The following KLHL21 variants were observed in gnomAD, a reference collection of about 807,000 sequenced individuals.
KLHL21 encodes the protein kelch like family member 21.
Under a neutral mutation model 44.1 loss-of-function variants are expected in KLHL21, and 42 were observed. That is an observed-to-expected ratio of 0.95 (90% CI 0.74 to 1.23). KLHL21 has a LOEUF of 1.23. Among genes scored for constraint, KLHL21 ranks in the 50% most tolerant of loss-of-function variants. The pLI, the probability that KLHL21 is intolerant of heterozygous loss-of-function variation, is 0.00. For missense variants in KLHL21, 918 were observed against 889.1 expected (o/e 1.03, Z -0.41); for synonymous variants, 524 against 411.6 (o/e 1.27, Z -3.31).
chr1:6,602,675 G>A lies in KLHL21; in HGVS notation c.143C>T (p.Pro48Leu), dbSNP rs780395015. The A allele has an allele frequency of 4.6e-6, 7 of 1,511,830 alleles. No homozygotes were observed. Among genetic ancestry groups the A allele is most frequent in the Non-Finnish European group, 6.2e-6 (7 of 1,137,784 alleles). The allele number at this position is 1,511,830 out of a possible 1,614,324, so 93.7% of individuals were successfully genotyped here. A position where few individuals can be genotyped will look rare whatever the true frequency, so the allele number is the denominator to read the frequency against. The change falls in exon 1 of 4, where the codon CCG becomes CTG. Residue 48 changes from proline (P) to leucine (L), a missense_variant. By Grantham distance (98) the Pro-to-Leu change is moderately conservative. Coordinates refer to ENST00000377658, the MANE Select transcript of KLHL21 (RefSeq NM_014851.4). ...GGCGGCCAGCACCGCACGGTGCGCC[G>A]GGAAGTCGCGCCCGCCCGCCGCCTC... ...TLEAAGGRDF[P>L]AHRAVLAAAS...
At position 6,602,749 on chromosome 1, in the gene KLHL21, G is replaced by A. The variant is rs1248441657; in HGVS notation, c.69C>T (p.Arg23=). The A allele has an allele frequency of 4.0e-6, 6 of 1,510,240 alleles. No individual in the cohort carries two copies. Among genetic ancestry groups the A allele is most frequent in the South Asian group, 2.5e-5 (2 of 81,606 alleles). 93.6% of individuals were successfully genotyped at this position (1,510,240 alleles called of 1,614,324 possible). A position where few individuals can be genotyped will look rare whatever the true frequency, so the allele number is the denominator to read the frequency against. Residue 23 remains arginine, a synonymous_variant, in exon 1 of 4, where the codon CGC becomes CGT. Transcript: ENST00000377658. ...GCTCGGCGCGCAGCTGGCTCAGGCC[G>A]CGCAGCAGGCTCAGGGCGTGCGCGG... ...SDPAHALSLL[R]GLSQLRAERK... is the part of the protein sequence containing the mutation.
In KLHL21 at chr1:6,590,837, G is replaced by A. The variant is rs976515570; in HGVS notation, c.*2528C>T. 5.0e-6 allele frequency: 2 copies of A among 398,070 alleles called. No homozygotes were observed. The highest frequency in any genetic ancestry group is 6.2e-4 in the Middle Eastern group (1 of 1,608). 24.7% of individuals were successfully genotyped at this position (398,070 alleles called of 1,614,324 possible). ...CAAAAATAAATATGTCAACCTGCCCGACCCTCTGGGGTGAACTGGATGTGG... is the reference window on the plus strand; with the variant it reads ...CAAAAATAAATATGTCAACCTGCCCAACCCTCTGGGGTGAACTGGATGTGG... On this transcript the variant is annotated 3_prime_UTR_variant, in exon 4 of 4. Coordinates refer to ENST00000377658, the MANE Select transcript of KLHL21 (RefSeq NM_014851.4).
intron 2 of KLHL21, 35 bp downstream of exon 2, chr1:6,599,012 C>T (rs1247293787): frequency 6.5e-7 from 1 of 1,535,898 alleles, no homozygotes; most frequent in Admixed American, 2.0e-5. Context: ...TAAGAGACAC[C>T]AAACACACAG....
intron 2 of KLHL21, among the ~76,000 whole-genome samples, chr1:6,596,347 C>T (rs1424788826): frequency 1.3e-5 from 2 of 152,226 alleles, no homozygotes; most frequent in Non-Finnish European, 2.9e-5. Flanking sequence ...AGGAGAATCT[C>T]TTGAACCCGG....
At chr1:6,599,845 T>C (rs1640989742) in intron 1 of KLHL21, 2 of 189,038 alleles carry the variant, frequency 1.1e-5, no homozygotes, top group Non-Finnish European at 1.1e-5. Flanking sequence ...CACTAACTCC[T>C]AGGCTTCCTG....
Position 6,602,052 on chromosome 1 carries a change from C to A in KLHL21, c.766G>T (p.Glu256Ter), listed in dbSNP as rs1485447550. ...RCPPCLRLLR[E>*]ARDFQAARYD... ...CGCGCCGCCTGGAAGTCGCGCGCCTCGCGCAGCAGGCGCAGGCAGGGTGGG... is the reference window on the plus strand; with the variant it reads ...CGCGCCGCCTGGAAGTCGCGCGCCTAGCGCAGCAGGCGCAGGCAGGGTGGG... Residue 256 changes from glutamate (E) to a stop codon, truncating the protein, a stop_gained, in exon 1 of 4, where the codon GAG becomes TAG. Transcript: ENST00000377658. LOFTEE classifies it high-confidence loss of function. 3 of 1,522,106 alleles carry A rather than the reference C, an allele frequency of 2.0e-6. No homozygotes were observed. The highest frequency in any genetic ancestry group is 1.4e-5 in the African/African-American group (1 of 70,674). 94.3% of individuals were successfully genotyped at this position (1,522,106 alleles called of 1,614,324 possible).
At position 6,593,732 on chromosome 1, in the gene KLHL21, G is replaced by A; in HGVS notation, c.1501-74C>T. ...CAGGGCCCCACCTGGGGAACCACTG[G>A]AGACAAGGCATGCCCTGTCAGTACC... On this transcript the variant is annotated intron_variant, in intron 3 of 3. Coordinates refer to ENST00000377658, the MANE Select transcript of KLHL21 (RefSeq NM_014851.4). 4 of 1,483,430 alleles carry A rather than the reference G, an allele frequency of 2.7e-6. No individual in the cohort carries two copies. The South Asian group carries it at 5.5e-5, about 20-fold the overall frequency. The allele number at this position is 1,483,430 out of a possible 1,614,324, so 91.9% of individuals were successfully genotyped here.
chr1:6,596,009 T>C (rs1640923061), intron 2 of KLHL21, among the ~76,000 whole-genome samples: 1 of 152,224 alleles, frequency 6.6e-6, no homozygotes, highest in Admixed American at 6.5e-5. Flanking sequence ...TTCACTACTA[T>C]GTTGAAGTAC....
intron 3 of KLHL21, chr1:6,593,944 CAG>C: frequency 1.6e-6 from 2 of 1,220,284 alleles, no homozygotes; most frequent in East Asian, 6.8e-5. Flanking sequence ...CGTTCTCTCT[CAG>C]AATCTCTGCA....
intron 1 of KLHL21, among the ~76,000 whole-genome samples, chr1:6,600,621 A>G (rs1364106854): frequency 6.6e-6 from 1 of 152,218 alleles, no homozygotes; most frequent in Admixed American, 6.5e-5. Context: ...AGGCAGCTGA[A>G]AGGAATGAAC....
Position 6,593,606 on chromosome 1 carries a change from C to A in KLHL21, c.1553G>T (p.Gly518Val). Residue 518 changes from glycine to valine, a missense_variant, in exon 4 of 4, where the codon GGG becomes GTG. Transcript: ENST00000377658. ...GAGTTCAAATGTATTGTCGTATCCC[C>A]CAGAGACGTACAGCTTCCCCCCAAG... Reference protein sequence around the residue: ...AVLGGKLYVSGGYDNTFELSD... With the variant: ...AVLGGKLYVSVGYDNTFELSD... The A allele has an allele frequency of 6.2e-7, 1 of 1,608,506 alleles. No homozygotes were observed. The highest frequency in any genetic ancestry group is 8.5e-7 in the Non-Finnish European group (1 of 1,175,852).
intron 1 of KLHL21, among the ~76,000 whole-genome samples, chr1:6,601,566 G>A (rs952040179): frequency 2.2e-4 from 33 of 152,334 alleles, no homozygotes; most frequent in African/African-American, 6.7e-4. Flanking sequence ...TGGCAGCCCC[G>A]GCCGCACGGG....
intron 2 of KLHL21, among the ~76,000 whole-genome samples, 188 bp downstream of exon 2, chr1:6,598,859 G>C (rs1049309004): frequency 2.6e-5 from 4 of 152,214 alleles, no homozygotes; most frequent in African/African-American, 9.7e-5. Flanking sequence ...CTCCAGCCTG[G>C]GCGACAGAGC....
rs1640874884 is a variant in KLHL21 at position 6,593,106 on chromosome 1, T to G, written c.*259A>C. 6.3e-6 allele frequency: 3 copies of G among 479,156 alleles called. No individual in the cohort carries two copies. The highest frequency in any genetic ancestry group is 4.1e-5 in the South Asian group (1 of 24,126). 29.7% of individuals were successfully genotyped at this position (479,156 alleles called of 1,614,324 possible). A position where few individuals can be genotyped will look rare whatever the true frequency, so the allele number is the denominator to read the frequency against. On this transcript the variant is annotated 3_prime_UTR_variant, in exon 4 of 4. Coordinates refer to ENST00000377658, the MANE Select transcript of KLHL21 (RefSeq NM_014851.4). ...TGAGCTGTGATCCGCGGGGTGGGGG[T>G]GACCTCCAAGACCCAGAAACATGTG...
At chr1:6,593,834 G>C in intron 3 of KLHL21, 176 bp from the exon 4 acceptor site, 1 of 1,365,504 alleles carries the variant, frequency 7.3e-7, no homozygotes, top group Non-Finnish European at 9.4e-7. Context: ...TAGGAGAACG[G>C]GCCTCCCCGG....
At position 6,590,895 on chromosome 1, in the gene KLHL21, G is replaced by A. The variant is rs374355213; in HGVS notation, c.*2470C>T. 7.5e-5 allele frequency: 30 copies of A among 398,574 alleles called. No individual in the cohort carries two copies. In the East Asian group the frequency reaches 8.5e-4, roughly 11 times the overall value. 24.7% of individuals were successfully genotyped at this position (398,574 alleles called of 1,614,324 possible). On this transcript the variant is annotated 3_prime_UTR_variant, in exon 4 of 4. Transcript: ENST00000377658. ...AGGGAGGGCGTCCTTTATTACATAC[G>A]CGTCTCTGAAGTCATATAAATATAG...
In KLHL21 at chr1:6,592,408, CT is replaced by C. The variant is rs892763666; in HGVS notation, c.*956del. 2.0e-5 allele frequency: 3 copies of C among 152,264 alleles called. No homozygotes were observed. The highest frequency in any genetic ancestry group is 7.2e-5 in the African/African-American group (3 of 41,462). 9.4% of individuals were successfully genotyped at this position (152,264 alleles called of 1,614,324 possible). A position where few individuals can be genotyped will look rare whatever the true frequency, so the allele number is the denominator to read the frequency against. On this transcript the variant is annotated 3_prime_UTR_variant, in exon 4 of 4. Transcript: ENST00000377658. Reference sequence around the variant, plus strand: ...GCGGCATTCACCCTCCTGCAGAAAGCTTTGGCAATGGGACTTCTTAGACTGG... The same window carrying C: ...GCGGCATTCACCCTCCTGCAGAAAGCTTGGCAATGGGACTTCTTAGACTGG...
intron 2 of KLHL21, among the ~76,000 whole-genome samples, chr1:6,596,102 G>A (rs1640924600): frequency 6.6e-6 from 1 of 152,202 alleles, no homozygotes; most frequent in Non-Finnish European, 1.5e-5. Context: ...GCACAGCCTT[G>A]AAAAGCAAAG....
At chr1:6,593,800 C>A in intron 3 of KLHL21, 142 bp from the exon 4 acceptor site, 2 of 1,386,704 alleles carry the variant, frequency 1.4e-6, no homozygotes, top group African/African-American at 1.4e-5. Flanking sequence ...AGCAGAGAGG[C>A]CAACCCCTTT....
Sources: allele counts gnomAD v4.1 joint callset (sites outside exome capture counted in the v4.1 genomes callset), GRCh38; gene constraint gnomAD v4.1.1; transcripts MANE v1.5; gene names NCBI Gene and HGNC (gene_info 2026-07-23, HGNC 2026-07-21).